KLRG1: variants seen among roughly 807,000 people sequenced by gnomAD.
The protein encoded by KLRG1 is killer cell lectin-like receptor subfamily G member 1.
Under a neutral mutation model 21.8 loss-of-function variants are expected in KLRG1, and 16 were observed. The observed-to-expected ratio is 0.73, with a 90% confidence interval of 0.50 to 1.11. The LOEUF (loss-of-function observed/expected upper bound fraction) is 1.11, where lower values mean the gene tolerates loss of function less well. Ranked by LOEUF, KLRG1 falls within the 50% of genes most tolerant of loss-of-function variation. The probability of loss-of-function intolerance (pLI) is 0.00; values close to 1 mark genes in which losing one functional copy is unlikely to be tolerated. For missense variants in KLRG1, 173 were observed against 218.3 expected (o/e 0.79, Z 1.31); for synonymous variants, 69 against 75.9 (o/e 0.91, Z 0.47).
At chr12:9,091,330 G>C in the KLRG1 span, 5 of 1,614,214 alleles carry the variant, frequency 3.1e-6, no homozygotes, top group Middle Eastern at 1.6e-4. Context: ...CAGTGGAAGA[G>C]ATACCAAGTC....
intron 4 of KLRG1, 61 bp downstream of exon 4, chr12:9,009,136 A>G (rs992921305): frequency 7.1e-6 from 9 of 1,259,696 alleles, no homozygotes; most frequent in Middle Eastern, 1.9e-4. Flanking sequence ...CCAAATTATG[A>G]TACTTGGGGA....
chr12:9,194,157 T>C, the KLRG1 span: 5 of 1,613,966 alleles, frequency 3.1e-6, no homozygotes, highest in South Asian at 4.4e-5. Flanking sequence ...GTGGTTGCAT[T>C]GGAGTAATAA....
At chr12:9,095,700 C>G in the KLRG1 span, 1 of 1,553,800 alleles carries the variant, frequency 6.4e-7, no homozygotes, top group Non-Finnish European at 8.7e-7. Context: ...AGGTTGTAAA[C>G]CTGTACAAAT....
At chr12:9,114,713 A>G in the KLRG1 span, among the ~76,000 whole-genome samples, 6 of 127,768 alleles carry the variant, frequency 4.7e-5, no homozygotes, top group East Asian at 9.7e-4. Flanking sequence ...ACATATATAC[A>G]TATATGAATA....
chr12:9,013,977 A>G (rs1209831112), downstream of KLRG1, among the ~76,000 whole-genome samples: 1 of 152,238 alleles, frequency 6.6e-6, no homozygotes, highest in East Asian at 1.9e-4. Flanking sequence ...GACTTACTGA[A>G]GAATGCATCA....
chr12:9,130,348 T>C, the KLRG1 span, among the ~76,000 whole-genome samples: 5 of 152,334 alleles, frequency 3.3e-5, no homozygotes, highest in African/African-American at 1.2e-4. Context: ...GTAGTTCTAT[T>C]TGAATTTTTT....
intron 1 of KLRG1, among the ~76,000 whole-genome samples, chr12:8,961,848 G>A (rs1307594123): frequency 2.0e-5 from 3 of 152,200 alleles, no homozygotes; most frequent in Non-Finnish European, 4.4e-5. Context: ...CGCATTGAGT[G>A]TCCAAAGTGG....
At chr12:9,079,382 G>T in the KLRG1 span, 2 of 1,542,602 alleles carry the variant, frequency 1.3e-6, no homozygotes, top group South Asian at 1.1e-5. Flanking sequence ...TGCATGCTGA[G>T]GGTGGAGAAA....
At chr12:9,063,835 G>C in the KLRG1 span, among the ~76,000 whole-genome samples, 1 of 152,156 alleles carries the variant, frequency 6.6e-6, no homozygotes, top group East Asian at 1.9e-4. Flanking sequence ...TATTGTGCCT[G>C]GCAGATAGTA....
chr12:9,162,013 G>A, the KLRG1 span, among the ~76,000 whole-genome samples: 2,086 of 152,140 alleles, frequency 0.014, 51 homozygotes, highest in African/African-American at 0.048. Flanking sequence ...CCAGGTTGGA[G>A]CGCAGTGGTG....
chr12:9,023,865 A>G, the KLRG1 span, among the ~76,000 whole-genome samples: 1 of 151,730 alleles, frequency 6.6e-6, no homozygotes, highest in Non-Finnish European at 1.5e-5. Context: ...CTGTTTTTAT[A>G]TAACTTTTAT....
the KLRG1 span, chr12:9,104,289 G>A: frequency 6.2e-7 from 1 of 1,613,282 alleles, no homozygotes; most frequent in Non-Finnish European, 8.5e-7. Flanking sequence ...ATAGAGAACT[G>A]TACAAGGCCA....
At chr12:9,169,705 A>G in the KLRG1 span, 1 of 993,412 alleles carries the variant, frequency 1.0e-6, no homozygotes, top group Non-Finnish European at 1.4e-6. Context: ...ACGTTCATGT[A>G]GTTGGTACCT....
chr12:9,050,848 C>G, the KLRG1 span, among the ~76,000 whole-genome samples: 1 of 152,240 alleles, frequency 6.6e-6, no homozygotes, highest in Non-Finnish European at 1.5e-5. Context: ...TCCCACACTC[C>G]TGTTCGCAAG....
the KLRG1 span, among the ~76,000 whole-genome samples, chr12:9,177,821 A>T: frequency 2.0e-5 from 3 of 151,980 alleles, no homozygotes; most frequent in East Asian, 1.9e-4. Flanking sequence ...TGTGACTAAA[A>T]GGAATAAGAC....
At chr12:8,976,427 A>G (rs1946658266) in intron 1 of KLRG1, among the ~76,000 whole-genome samples, 2 of 152,160 alleles carry the variant, frequency 1.3e-5, no homozygotes, top group South Asian at 4.1e-4. Flanking sequence ...TGAAAAGAAT[A>G]TTTTTCTGTT....
the KLRG1 span, among the ~76,000 whole-genome samples, chr12:9,199,829 C>T: frequency 6.6e-6 from 1 of 152,206 alleles, no homozygotes; most frequent in African/African-American, 2.4e-5. Flanking sequence ...TGTTTTACTT[C>T]TCTGTTAACT....
At chr12:8,991,646 T>C (rs1051146832) in intron 1 of KLRG1, among the ~76,000 whole-genome samples, 2 of 141,736 alleles carry the variant, frequency 1.4e-5, no homozygotes, top group African/African-American at 4.9e-5. Context: ...TACAAAATAT[T>C]CCATATCAGT....
chr12:9,160,974 G>T, the KLRG1 span: 4 of 1,290,706 alleles, frequency 3.1e-6, no homozygotes, highest in Non-Finnish European at 4.5e-6. Flanking sequence ...CAAATACGTA[G>T]ATAAGATGTA....
Sources: allele counts gnomAD v4.1 joint callset (sites outside exome capture counted in the v4.1 genomes callset), GRCh38; gene constraint gnomAD v4.1.1; transcripts MANE v1.5; gene names NCBI Gene and HGNC (gene_info 2026-07-23, HGNC 2026-07-21).